ANKS6: variants seen among roughly 807,000 people sequenced by gnomAD.
ANKS6 encodes the protein ankyrin repeat and sterile alpha motif domain containing 6.
In ANKS6, 47 loss-of-function variants were observed where a neutral mutation model predicts 77.9. The observed-to-expected ratio is 0.60, with a 90% CI of 0.48 to 0.77. The LOEUF is 0.77. Ranked by LOEUF, ANKS6 falls within the 30% of genes least tolerant of loss-of-function variation. ANKS6 has a pLI of 0.00. For synonymous variants in ANKS6, 488 were observed against 501.7 expected, an observed-to-expected ratio of 0.97 and a Z score of 0.37; for missense variants, 1,150 against 1,159.1, an observed-to-expected ratio of 0.99 and a Z score of 0.11.
In ANKS6 at chr9:98,789,876, C is replaced by G. The variant is rs888629569; in HGVS notation, c.862+228G>C. On this transcript the variant is annotated intron_variant, in intron 2 of 14. Transcript: ENST00000353234. Reference sequence around the variant, plus strand: ...GAGAGCAGCCTTGTTATAGAGGCTTCCAGGCTCTTGCCCAGGGCTACCAAA... The same window carrying G: ...GAGAGCAGCCTTGTTATAGAGGCTTGCAGGCTCTTGCCCAGGGCTACCAAA... 20 of 545,514 alleles carry G rather than the reference C, an allele frequency of 3.7e-5. No individual in the cohort carries two copies. The East Asian group carries it at 6.2e-4, about 17-fold the overall frequency. The allele number at this position is 545,514 out of a possible 1,614,324, so 33.8% of individuals were successfully genotyped here.
intron 3 of ANKS6, chr9:98,784,456 C>G: frequency 2.5e-6 from 1 of 404,338 alleles, no homozygotes; most frequent in Non-Finnish European, 4.4e-6. Context: ...GAGTTCAGGT[C>G]TCGCTGCGGG....
At chr9:98,753,852 T>G (rs923939225) in intron 12 of ANKS6, among the ~76,000 whole-genome samples, 9 of 152,206 alleles carry the variant, frequency 5.9e-5, no homozygotes, top group African/African-American at 2.2e-4. Context: ...AAATACATTT[T>G]AAGTACAATA....
intron 2 of ANKS6, among the ~76,000 whole-genome samples, chr9:98,786,482 G>C (rs976708297): frequency 6.6e-6 from 1 of 151,802 alleles, no homozygotes; most frequent in Non-Finnish European, 1.5e-5. Flanking sequence ...AGTAGAGATG[G>C]GGTTTCACCA....
chr9:98,773,345 G>C (rs1833741405), intron 9 of ANKS6, among the ~76,000 whole-genome samples: 1 of 152,172 alleles, frequency 6.6e-6, no homozygotes. Context: ...CTACCATCTA[G>C]ATACAGGTTA....
At position 98,736,675 on chromosome 9, in the gene ANKS6, C is replaced by T. The variant is rs747364382; in HGVS notation, c.2512-52G>A. 21 of 1,538,984 alleles carry T rather than the reference C, an allele frequency of 1.4e-5. No individual in the cohort carries two copies. In the African/African-American group the frequency reaches 2.3e-4, roughly 17 times the overall value. ...AGAAAGTCTTATTAAACCTTTTAAC[C>T]ATTAATTCAATTGACACAGTGTTGT... On this transcript the variant is annotated intron_variant, in intron 14 of 14. Transcript: ENST00000353234.
rs114156498 is a variant in ANKS6 at position 98,775,479 on chromosome 9, T to C, written c.1618-1399A>G. Among the ~76,000 whole-genome samples, 889 of 152,280 alleles carry C rather than the reference T, an allele frequency of 5.8e-3. 8 individuals are homozygous for C. Among genetic ancestry groups the C allele is most frequent in the African/African-American group, 0.02 (834 of 41,570 alleles). ...GTGTTTTATGACATGGAAAAGATGG[T>C]CACAACACATAAATCACAAATAAAT... On this transcript the variant is annotated intron_variant, in intron 8 of 14. Coordinates refer to ENST00000353234, the MANE Select transcript of ANKS6 (RefSeq NM_173551.5).
chr9:98,766,057 G>A (rs1483922850), intron 11 of ANKS6, among the ~76,000 whole-genome samples: 1 of 152,130 alleles, frequency 6.6e-6, no homozygotes, highest in African/African-American at 2.4e-5. Flanking sequence ...ACCCTCCCGA[G>A]AGCCTCATTC....
At chr9:98,775,564 G>A (rs1427317741) in intron 8 of ANKS6, among the ~76,000 whole-genome samples, 1 of 152,170 alleles carries the variant, frequency 6.6e-6, no homozygotes, top group African/African-American at 2.4e-5. Flanking sequence ...TATTAAATGA[G>A]CTGATACATG....
intron 11 of ANKS6, among the ~76,000 whole-genome samples, chr9:98,761,869 CAT>C (rs1281097463): frequency 1.3e-5 from 2 of 152,084 alleles, no homozygotes. Flanking sequence ...TATTCTTTTT[CAT>C]ATGACTATTA....
chr9:98,735,835 G>A lies in ANKS6; in HGVS notation c.*684C>T, dbSNP rs1831467573. ...CTCCAATGTAAGCTGTATGCAGCAGGTGCAGTGGAATGCTACAGCAGTCAC... is the reference window on the plus strand; with the variant it reads ...CTCCAATGTAAGCTGTATGCAGCAGATGCAGTGGAATGCTACAGCAGTCAC... On this transcript the variant is annotated 3_prime_UTR_variant, in exon 15 of 15. Transcript: ENST00000353234. The A allele has an allele frequency of 2.4e-6, 3 of 1,231,756 alleles. No individual in the cohort carries two copies. The highest frequency in any genetic ancestry group is 2.0e-6 in the Non-Finnish European group (2 of 988,004). The allele number at this position is 1,231,756 out of a possible 1,614,324, so 76.3% of individuals were successfully genotyped here. A position where few individuals can be genotyped will look rare whatever the true frequency, so the allele number is the denominator to read the frequency against.
rs1315525980 is a variant in ANKS6 at position 98,796,471 on chromosome 9, G to C, written c.21C>G (p.Pro7=). The change falls in exon 1 of 15, where the codon CCC becomes CCG. Residue 7 remains proline (P), a synonymous_variant. Coordinates refer to ENST00000353234, the MANE Select transcript of ANKS6 (RefSeq NM_173551.5). MGEGGL[P]PAFQLLLRAC... ...CGCGCAGCAGCAGCTGGAAGGCCGGGGGCAGCCCGCCCTCGCCCATCGCCG... is the reference window on the plus strand; with the variant it reads ...CGCGCAGCAGCAGCTGGAAGGCCGGCGGCAGCCCGCCCTCGCCCATCGCCG... The C allele has an allele frequency of 1.0e-6, 1 of 992,290 alleles. No homozygotes were observed. Among genetic ancestry groups the C allele is most frequent in the Non-Finnish European group, 1.2e-6 (1 of 836,462 alleles). The allele number at this position is 992,290 out of a possible 1,614,324, so 61.5% of individuals were successfully genotyped here.
At chr9:98,751,976 C>T (rs1832450940) in intron 12 of ANKS6, among the ~76,000 whole-genome samples, 1 of 152,132 alleles carries the variant, frequency 6.6e-6, no homozygotes, top group South Asian at 2.1e-4. Flanking sequence ...GTCCCAGCAA[C>T]TCGGGAGGCT....
intron 5 of ANKS6, among the ~76,000 whole-genome samples, chr9:98,782,145 C>T (rs916717192): frequency 6.6e-6 from 1 of 152,184 alleles, no homozygotes; most frequent in African/African-American, 2.4e-5. Flanking sequence ...CTCAGGATTT[C>T]TGGCTGTGAA....
intron 13 of ANKS6, among the ~76,000 whole-genome samples, chr9:98,749,940 T>C (rs772770638): frequency 2.0e-5 from 3 of 152,240 alleles, no homozygotes; most frequent in East Asian, 1.9e-4. Context: ...CCAGTGATTA[T>C]ACCCTGGAGG....
Position 98,739,758 on chromosome 9 carries a change from A to ATT in ANKS6, c.2512-3137_2512-3136dup, listed in dbSNP as rs749499336. Among the ~76,000 whole-genome samples the ATT allele has an allele frequency of 1.4e-3, 127 of 88,866 alleles. 19 individuals are homozygous for ATT. Among genetic ancestry groups the ATT allele is most frequent in the African/African-American group, 4.4e-3 (86 of 19,388 alleles). The allele number at this position is 88,866 out of a possible 152,430, so 58.3% of individuals were successfully genotyped here. ...CTCAGAGGGCAGCAGTGGATTAAAC[A>ATT]TTTTTTTTTTTTTTTTGAGACGGAG... On this transcript the variant is annotated intron_variant, in intron 14 of 14. Coordinates refer to ENST00000353234, the MANE Select transcript of ANKS6 (RefSeq NM_173551.5).
At chr9:98,759,240 C>T (rs1026492569) in intron 11 of ANKS6, among the ~76,000 whole-genome samples, 4 of 152,132 alleles carry the variant, frequency 2.6e-5, no homozygotes, top group African/African-American at 4.8e-5. Context: ...ATAAAAACAG[C>T]GCTCTATGTT....
intron 14 of ANKS6, among the ~76,000 whole-genome samples, chr9:98,742,279 T>G (rs1432899329): frequency 1.3e-5 from 2 of 152,188 alleles, no homozygotes; most frequent in Non-Finnish European, 2.9e-5. Flanking sequence ...GAACCCTTGA[T>G]GTCAAGGTCA....
chr9:98,762,712 C>T (rs766937692), intron 11 of ANKS6, among the ~76,000 whole-genome samples: 13 of 152,048 alleles, frequency 8.5e-5, no homozygotes, highest in Non-Finnish European at 5.9e-5. Context: ...CCAGATTTGC[C>T]TTCCTGGGAT....
chr9:98,751,901 TGA>T (rs1178191761), intron 12 of ANKS6, among the ~76,000 whole-genome samples: 1 of 152,166 alleles, frequency 6.6e-6, no homozygotes, highest in African/African-American at 2.4e-5. Context: ...GGCACTATAA[TGA>T]GATTTCATCT....
Sources: gnomAD v4.1 joint callset for allele counts (sites outside exome capture counted in the v4.1 genomes callset) on GRCh38, gnomAD v4.1.1 for gene constraint, MANE v1.5 for transcripts, NCBI Gene and HGNC (gene_info 2026-07-23, HGNC 2026-07-21) for gene names.